Variants in XKRX observed in about 807,000 individuals in gnomAD.
The protein encoded by XKRX is XK related X-linked.
XKRX carries 11 observed loss-of-function variants against 22.4 expected under a neutral mutation model. That is an observed-to-expected ratio of 0.49 (90% CI 0.31 to 0.81). XKRX has a LOEUF of 0.81. XKRX is among the 40% of genes least tolerant of loss of function. The pLI, the probability that XKRX is intolerant of heterozygous loss-of-function variation, is 0.05. For missense variants in XKRX, 320 were observed against 336.5 expected (o/e 0.95, Z 0.38); for synonymous variants, 114 against 132.2 (o/e 0.86, Z 0.94).
downstream of XKRX, chrX:100,910,812 C>T (rs762733883): frequency 2.3e-5 from 18 of 784,522 alleles, no homozygotes; most frequent in East Asian, 3.2e-5. Flanking sequence ...AGGCTACGAA[C>T]GTTCAAAGAA....
At chrX:100,917,521 G>C (rs77827977) in intron 2 of XKRX, among the ~76,000 whole-genome samples, 1,130 of 101,889 alleles carry the variant, frequency 0.011, 17 homozygotes, top group African/African-American at 0.039. Context: ...GAAAGAAAGG[G>C]AGAAAGAGAG....
chrX:100,896,734 G>C, the XKRX span, among the ~76,000 whole-genome samples: 2 of 111,734 alleles, frequency 1.8e-5, no homozygotes, highest in African/African-American at 6.5e-5. Context: ...GGAGACTGTG[G>C]CAGGAGGATT....
chrX:100,891,763 A>AAAAGAAAGAAAG, the XKRX span, among the ~76,000 whole-genome samples: 93 of 59,195 alleles, frequency 1.6e-3, 1 homozygote, highest in African/African-American at 3.2e-3. Context: ...AAGAAAGAAG[A>AAAAGAAAGAAAG]AAAGAAAGAA....
chrX:100,922,752 T>C, intron 2 of XKRX, 41 bp downstream of exon 2: 1 of 1,184,852 alleles, frequency 8.4e-7, no homozygotes, highest in Admixed American at 2.3e-5. Flanking sequence ...TCTAAGACCC[T>C]TGATTTAACT....
chrX:100,917,106 G>C (rs1411298091), intron 2 of XKRX, among the ~76,000 whole-genome samples: 1 of 110,436 alleles, frequency 9.1e-6, no homozygotes, highest in African/African-American at 3.3e-5. Context: ...GCAACAGAGT[G>C]AGACTCTGTC....
intron 2 of XKRX, among the ~76,000 whole-genome samples, chrX:100,917,722 G>GAAAGAAAGAAATAAATAAATAAAT (rs772047288): frequency 1.3e-5 from 1 of 74,991 alleles, no homozygotes; most frequent in Non-Finnish European, 3.0e-5. Context: ...AAGAAAGAAA[G>GAAAGAAAGAAATAAATAAATAAAT]AAATCCTTGG....
chrX:100,917,661 G>GAAAAAGA (rs1289044743), intron 2 of XKRX, among the ~76,000 whole-genome samples: 1 of 45,743 alleles, frequency 2.2e-5, no homozygotes, highest in South Asian at 1.3e-3. Flanking sequence ...AAGAAAGAAA[G>GAAAAAGA]AAAGAAAGAA....
chrX:100,932,157 A>C (rs2085523646), upstream of XKRX, among the ~76,000 whole-genome samples: 2 of 111,245 alleles, frequency 1.8e-5, no homozygotes, highest in Non-Finnish European at 1.9e-5. Flanking sequence ...TTAGGTCACT[A>C]AATCCTCTGG....
At chrX:100,946,668 G>T in the XKRX span, among the ~76,000 whole-genome samples, 1 of 111,741 alleles carries the variant, frequency 8.9e-6, no homozygotes, top group African/African-American at 3.3e-5. Context: ...TCACGAGAAA[G>T]CTGTGACCTT....
intron 1 of XKRX, among the ~76,000 whole-genome samples, chrX:100,926,102 T>C (rs916212): frequency 0.19 from 21,292 of 111,159 alleles, 1,633 homozygotes; most frequent in Middle Eastern, 0.28. Flanking sequence ...GACTTTGTTT[T>C]CATTTATCAT....
At chrX:100,933,478 TAAAAAA>T (rs368739515), upstream of XKRX, among the ~76,000 whole-genome samples, 2 of 50,517 alleles carry the variant, frequency 4.0e-5, no homozygotes, top group Non-Finnish European at 8.1e-5. Context: ...AGATTCCGTC[TAAAAAA>T]AAAAAAAAAA....
At chrX:100,905,624 T>C in the XKRX span, among the ~76,000 whole-genome samples, 1 of 112,061 alleles carries the variant, frequency 8.9e-6, no homozygotes, top group Admixed American at 9.5e-5. Context: ...CCCATATTGT[T>C]GGTTTTGTAT....
rs756646928 is a variant in XKRX at position 100,914,827 on chromosome X, C to T, written c.861G>A (p.Lys287=). 4 of 1,209,668 alleles carry T rather than the reference C, an allele frequency of 3.3e-6. No individual in the cohort carries two copies. Among genetic ancestry groups the T allele is most frequent in the African/African-American group, 3.5e-5 (2 of 57,024 alleles). Residue 287 remains lysine, a synonymous_variant, in exon 3 of 3, where the codon AAG becomes AAA. Transcript: ENST00000372956. ...GCATCTGGGCACCACTTCTCCAGAA[C>T]TTAATCCAGGGCTCAAAGAGGATGA... ...FLIILFEPWI[K]FWRSGAQMPN...
At chrX:100,908,973 G>C (rs1423281432), downstream of XKRX, among the ~76,000 whole-genome samples, 1 of 111,836 alleles carries the variant, frequency 8.9e-6, no homozygotes, top group Non-Finnish European at 1.9e-5. Context: ...TCTAGAACTA[G>C]AAGTCAGCTT....
chrX:100,941,104 A>G, the XKRX span, among the ~76,000 whole-genome samples: 16 of 111,870 alleles, frequency 1.4e-4, no homozygotes, highest in African/African-American at 4.5e-4. Flanking sequence ...TCTGACCCCA[A>G]TTCTTTTGGT....
At chrX:100,923,837 C>CT (rs745938618) in intron 1 of XKRX, among the ~76,000 whole-genome samples, 25,044 of 88,045 alleles carry the variant, frequency 0.28, 3,942 homozygotes, top group East Asian at 0.55. Flanking sequence ...TTCTTTCTTT[C>CT]TTTTTTTTTT....
At chrX:100,907,196 A>T in the XKRX span, among the ~76,000 whole-genome samples, 43 of 108,474 alleles carry the variant, frequency 4.0e-4, no homozygotes, top group African/African-American at 1.2e-3. Flanking sequence ...CACTTAAAAA[A>T]TTTTTTTTTT....
At chrX:100,913,415 C>CAT (rs397896309), downstream of XKRX, 1 of 106,403 alleles carries the variant, frequency 9.4e-6, no homozygotes, top group Non-Finnish European at 1.9e-5. Flanking sequence ...CACACACACA[C>CAT]ACATTAATGA....
intron 2 of XKRX, among the ~76,000 whole-genome samples, chrX:100,920,916 C>T (rs959951328): frequency 1.8e-5 from 2 of 109,496 alleles, no homozygotes; most frequent in Non-Finnish European, 3.8e-5. Flanking sequence ...CCCACCACCA[C>T]GCCTGGCTGA....
Sources: allele counts gnomAD v4.1 joint callset (sites outside exome capture counted in the v4.1 genomes callset), GRCh38; gene constraint gnomAD v4.1.1; transcripts MANE v1.5; gene names NCBI Gene and HGNC (gene_info 2026-07-23, HGNC 2026-07-21).